HEXD: variants seen among roughly 807,000 people sequenced by gnomAD.
HEXD encodes hexosaminidase D.
HEXD carries 47 observed loss-of-function variants against 54.2 expected under a neutral mutation model. The ratio of observed to expected loss-of-function variants is 0.87; its 90% CI spans 0.69 to 1.11. HEXD has a LOEUF of 1.11. Among genes scored for constraint, HEXD ranks in the 50% least tolerant of loss-of-function variants. The pLI, the probability that HEXD is intolerant of heterozygous loss-of-function variation, is 0.00. For missense variants in HEXD, 576 were observed against 649.2 expected (o/e 0.89, Z 1.23); for synonymous variants, 293 against 287.6 (o/e 1.02, Z -0.19).
At chr17:82,439,303 C>G in intron 8 of HEXD, 1 of 426,230 alleles carries the variant, frequency 2.3e-6, no homozygotes. Flanking sequence ...GCCCTTTTCT[C>G]AGAGGCCAGA....
rs1240059477 is a variant in HEXD, at chr17:82,439,421, C to T, written c.900-210C>T. On this transcript the variant is annotated intron_variant, in intron 8 of 12. Transcript: ENST00000327949. ...GGAATCCCCACGCTCTTCACTTGTCCGGTTTCTAGAACGGAGTTGACATGA... is the reference window on the plus strand; with the variant it reads ...GGAATCCCCACGCTCTTCACTTGTCTGGTTTCTAGAACGGAGTTGACATGA... The T allele has an allele frequency of 3.1e-5, 31 of 985,196 alleles. No homozygotes were observed. In the South Asian group the frequency reaches 1.2e-3, roughly 37 times the overall value. The allele number at this position is 985,196 out of a possible 1,614,324, so 61.0% of individuals were successfully genotyped here. A position where few individuals can be genotyped will look rare whatever the true frequency, so the allele number is the denominator to read the frequency against.
In HEXD at chr17:82,442,218, C is replaced by T; in HGVS notation, c.1295C>T (p.Ala432Val). The T allele has an allele frequency of 6.2e-7, 1 of 1,604,666 alleles. No homozygotes were observed. The highest frequency in any genetic ancestry group is 8.5e-7 in the Non-Finnish European group (1 of 1,179,598). The change falls in exon 13 of 13, where the codon GCT becomes GTT. Residue 432 changes from alanine (A) to valine (V), a missense_variant. By Grantham distance (64) the Ala-to-Val change is moderately conservative. Coordinates refer to ENST00000327949, the MANE Select transcript of HEXD (RefSeq NM_001330542.2). The surrounding 1 kb of genome is among the most constrained non-coding windows in gnomAD (Gnocchi z 6.8). ...AGCACCCTCGTGCAGGAGCTGGAGG[C>T]TGCCCTGCAGCTGGCTTTCTACCCG... ...QWSTLVQELE[A>V]ALQLAFYPDA...
chr17:82,441,679 T>C, intron 11 of HEXD, 121 bp from the exon 12 acceptor site: 1 of 824,092 alleles, frequency 1.2e-6, no homozygotes, highest in Non-Finnish European at 2.1e-6. Flanking sequence ...ACAAAGACTT[T>C]CTGGGGGACA....
Position 82,436,663 on chromosome 17 carries a change from G to A in HEXD, c.632-4G>A, listed in dbSNP as rs200796946. ...CACCAACCTCACGTCCGCTCTGTCT[G>A]CAGCGTCCGGGGTGCCGCAGCTGGT... On this transcript the variant is annotated splice_polypyrimidine_tract_variant and splice_region_variant and intron_variant, in intron 6 of 12. Coordinates refer to ENST00000327949, the MANE Select transcript of HEXD (RefSeq NM_001330542.2). The A allele has an allele frequency of 1.1e-3, 1,699 of 1,608,210 alleles. 5 individuals are homozygous for A. Among genetic ancestry groups the A allele is most frequent in the Non-Finnish European group, 1.3e-3 (1,555 of 1,178,598 alleles).
intron 2 of HEXD, among the ~76,000 whole-genome samples, chr17:82,422,088 C>G (rs968857065): frequency 6.6e-6 from 1 of 151,610 alleles, no homozygotes; most frequent in Admixed American, 6.6e-5. Flanking sequence ...ATCACTTGAA[C>G]CTGGGAGGTG....
Position 82,442,417 on chromosome 17 carries a change from AGGCTGGG to A in HEXD, c.*36_*42del. 6.2e-7 allele frequency: 1 copy of A among 1,609,586 alleles called. No homozygotes were observed. The highest frequency in any genetic ancestry group is 1.1e-5 in the South Asian group (1 of 91,020). ...GCTCATGCCAGGGGGCTCCTGCTGGAGGCTGGGGGGGCTCTGCACTGCCAAATGGCCT... is the reference window on the plus strand; with the variant it reads ...GCTCATGCCAGGGGGCTCCTGCTGGAGGGGCTCTGCACTGCCAAATGGCCT... On this transcript the variant is annotated 3_prime_UTR_variant, in exon 13 of 13. Transcript: ENST00000327949. The surrounding 1 kb of genome is among the most constrained non-coding windows in gnomAD (Gnocchi z 6.8).
At chr17:82,430,327 C>T (rs1444355140) in intron 4 of HEXD, among the ~76,000 whole-genome samples, 6 of 152,134 alleles carry the variant, frequency 3.9e-5, no homozygotes, top group Non-Finnish European at 8.8e-5. Flanking sequence ...ATCAGCGTGT[C>T]GAAGGGTTGG....
chr17:82,428,502 T>G, intron 3 of HEXD, 56 bp from the exon 4 acceptor site: 2 of 1,473,670 alleles, frequency 1.4e-6, no homozygotes, highest in Non-Finnish European at 1.9e-6. Flanking sequence ...GGGGGGTGGG[T>G]GTGGAAGTCA....
At chr17:82,436,989 G>A in intron 7 of HEXD, 179 bp from the exon 8 acceptor site, 1 of 672,620 alleles carries the variant, frequency 1.5e-6, no homozygotes, top group Non-Finnish European at 2.6e-6. Context: ...ACACTCTGGA[G>A]TCTCCCCGAC....
In HEXD at chr17:82,442,606, C is replaced by T. The variant is rs1599766246; in HGVS notation, c.*222C>T. 1.3e-6 allele frequency: 2 copies of T among 1,549,950 alleles called. No individual in the cohort carries two copies. Among genetic ancestry groups the T allele is most frequent in the South Asian group, 1.2e-5 (1 of 84,014 alleles). ...CCCGCTTTGTGATCTGCATGTGTGA[C>T]ACTGATTCTTTGGAAATAAAGAGTG... On this transcript the variant is annotated 3_prime_UTR_variant, in exon 13 of 13. Transcript: ENST00000327949. The surrounding 1 kb of genome is among the most constrained non-coding windows in gnomAD (Gnocchi z 6.8).
Position 82,441,837 on chromosome 17 carries a change from C to A in HEXD, c.1201C>A (p.Arg401=). 6.2e-7 allele frequency: 1 copy of A among 1,613,116 alleles called. No individual in the cohort carries two copies. The highest frequency in any genetic ancestry group is 8.5e-7 in the Non-Finnish European group (1 of 1,179,988). ...CTGGTTCAGCCCCTACCACCGCCAG[C>A]GGAAGCTCATCCACCCGGTCATGGT... ...TGWFSPYHRQ[R]KLIHPVMVQH... The change falls in exon 12 of 13, where the codon CGG becomes AGG. Residue 401 remains arginine, a synonymous_variant. Coordinates refer to ENST00000327949, the MANE Select transcript of HEXD (RefSeq NM_001330542.2).
At chr17:82,424,755 C>T (rs74001688) in intron 3 of HEXD, among the ~76,000 whole-genome samples, 3,515 of 152,392 alleles carry the variant, frequency 0.023, 132 homozygotes, top group African/African-American at 0.081. Context: ...GCGCCCCCTA[C>T]AGGGAAGAGC....
At chr17:82,421,062 C>T (rs2053221646) in intron 2 of HEXD, among the ~76,000 whole-genome samples, 2 of 151,190 alleles carry the variant, frequency 1.3e-5, no homozygotes, top group South Asian at 4.1e-4. Context: ...TCCAACAGTG[C>T]TATGACCAGA....
At chr17:82,436,227 A>G (rs2053759026) in intron 6 of HEXD, among the ~76,000 whole-genome samples, 1 of 152,232 alleles carries the variant, frequency 6.6e-6, no homozygotes, top group Non-Finnish European at 1.5e-5. Flanking sequence ...CTTTGGGACG[A>G]GCTGCTGAGC....
Position 82,442,048 on chromosome 17 carries a change from A to G in HEXD, c.1254-129A>G. 1 of 1,341,614 alleles carries G rather than the reference A, an allele frequency of 7.5e-7. No individual in the cohort carries two copies. Among genetic ancestry groups the G allele is most frequent in the East Asian group, 2.3e-5 (1 of 42,618 alleles). The allele number at this position is 1,341,614 out of a possible 1,614,324, so 83.1% of individuals were successfully genotyped here. A position where few individuals can be genotyped will look rare whatever the true frequency, so the allele number is the denominator to read the frequency against. On this transcript the variant is annotated intron_variant, in intron 12 of 12. Coordinates refer to ENST00000327949, the MANE Select transcript of HEXD (RefSeq NM_001330542.2). This position sits in a 1 kb window ranked among gnomAD's most constrained non-coding sequence, Gnocchi z 6.8. ...AGCTGTCACCGACTTGTTCCTCCCGACATGCCGATGAGGTAGGGTCAGTAG... is the reference window on the plus strand; with the variant it reads ...AGCTGTCACCGACTTGTTCCTCCCGGCATGCCGATGAGGTAGGGTCAGTAG...
At chr17:82,427,394 T>C (rs917754411) in intron 3 of HEXD, 2 of 152,194 alleles carry the variant, frequency 1.3e-5, no homozygotes, top group African/African-American at 4.8e-5. Context: ...GAACATAATA[T>C]GACATCTGTT....
Position 82,435,873 on chromosome 17 carries a change from G to A in HEXD, c.631+1G>A, listed in dbSNP as rs765000270. The stretch of plus-strand genomic sequence containing the variant: ...GACCTGCCTGAGGACCAGCTCGCAG[G>A]TCGGCCAACAGGGCTGGGGGAGGGG... On this transcript the variant is annotated splice_donor_variant, in intron 6 of 12. Transcript: ENST00000327949. LOFTEE classifies it high-confidence loss of function. The A allele has an allele frequency of 6.2e-7, 1 of 1,602,990 alleles. No individual in the cohort carries two copies. The highest frequency in any genetic ancestry group is 8.5e-7 in the Non-Finnish European group (1 of 1,175,474).
chr17:82,429,441 G>C (rs1425058771), intron 4 of HEXD, among the ~76,000 whole-genome samples: 3 of 151,882 alleles, frequency 2.0e-5, no homozygotes, highest in African/African-American at 7.3e-5. Context: ...TACACATGTC[G>C]GTGTTCTGGG....
chr17:82,440,763 A>C, intron 9 of HEXD: 1 of 564,084 alleles, frequency 1.8e-6, no homozygotes, highest in African/African-American at 1.9e-5. Context: ...ACACAGTCTT[A>C]CTTCTGTTTT....
Sources: allele counts gnomAD v4.1 joint callset (sites outside exome capture counted in the v4.1 genomes callset), GRCh38; gene constraint gnomAD v4.1.1; non-coding constraint Gnocchi (gnomAD v3.1); transcripts MANE v1.5; gene names NCBI Gene and HGNC (gene_info 2026-07-23, HGNC 2026-07-21).